Variants in NAALADL2 observed in about 807,000 individuals in gnomAD.
NAALADL2 encodes the protein N-acetylated alpha-linked acidic dipeptidase like 2, also known as inactive N-acetylated-alpha-linked acidic dipeptidase-like protein 2.
In NAALADL2, 76 loss-of-function variants were observed where a neutral mutation model predicts 87.2. The observed-to-expected ratio is 0.87, with a 90% CI of 0.72 to 1.05. NAALADL2 has a LOEUF of 1.05. NAALADL2 is among the 50% of genes least tolerant of loss of function. The probability of loss-of-function intolerance (pLI) is 0.00; values close to 1 mark genes in which losing one functional copy is unlikely to be tolerated. For synonymous variants in NAALADL2, 354 were observed against 331.0 expected, an observed-to-expected ratio of 1.07 and a Z score of -0.75; for missense variants, 1,089 against 945.8, an observed-to-expected ratio of 1.15 and a Z score of -1.99.
chr3:175,791,911 C>CAAA lies in NAALADL2; in HGVS notation c.2190-11084_2190-11082dup, dbSNP rs201243200. 1.4e-3 allele frequency among the ~76,000 whole-genome samples: 184 copies of CAAA among 127,990 alleles called. 1 individual carries two copies. Among genetic ancestry groups the CAAA allele is most frequent in the African/African-American group, 4.7e-3 (174 of 37,068 alleles). The allele number at this position is 127,990 out of a possible 152,430, so 84.0% of individuals were successfully genotyped here. On this transcript the variant is annotated intron_variant, in intron 13 of 13. Transcript: ENST00000454872. ...GAATTTGCTTTTAGAGTTCCCAAAG[C>CAAA]AAAAAAAAAAAACAACCCTGATATT...
chr3:174,634,950 T>C (rs1234975665), intron 2 of NAALADL2, among the ~76,000 whole-genome samples: 9 of 152,306 alleles, frequency 5.9e-5, no homozygotes, highest in Non-Finnish European at 2.9e-5. Context: ...AAAATTTTAA[T>C]TAGTAGGATT....
intron 1 of NAALADL2, among the ~76,000 whole-genome samples, chr3:174,916,638 C>G (rs1025173534): frequency 3.3e-5 from 5 of 151,924 alleles, no homozygotes; most frequent in African/African-American, 4.8e-5. Context: ...ATTATATGTC[C>G]TCACATATAA....
intron 2 of NAALADL2, among the ~76,000 whole-genome samples, chr3:174,612,037 G>A (rs1342930140): frequency 6.6e-6 from 1 of 150,900 alleles, no homozygotes; most frequent in Non-Finnish European, 1.5e-5. Flanking sequence ...TCTTGTTCAT[G>A]TTTGAAAGAT....
intron 1 of NAALADL2, among the ~76,000 whole-genome samples, chr3:175,027,502 C>G (rs1560492107): frequency 6.6e-6 from 1 of 151,966 alleles, no homozygotes; most frequent in African/African-American, 2.4e-5. Flanking sequence ...ATTAAAAAGA[C>G]CTATGTGACC....
At chr3:175,400,493 C>A (rs949611910) in intron 5 of NAALADL2, among the ~76,000 whole-genome samples, 4 of 151,968 alleles carry the variant, frequency 2.6e-5, no homozygotes, top group African/African-American at 9.7e-5. Context: ...ATAAAATAAG[C>A]TACATATTAC....
At chr3:174,973,117 A>C (rs1227739964) in intron 1 of NAALADL2, among the ~76,000 whole-genome samples, 3 of 152,182 alleles carry the variant, frequency 2.0e-5, no homozygotes, top group Non-Finnish European at 4.4e-5. Flanking sequence ...GGTAATTTAC[A>C]CACTGGCTTT....
chr3:175,326,381 C>A (rs1219971454), intron 5 of NAALADL2, among the ~76,000 whole-genome samples: 2 of 152,078 alleles, frequency 1.3e-5, no homozygotes, highest in African/African-American at 4.8e-5. Flanking sequence ...TTTTTAAATA[C>A]CTCACCAGAA....
At chr3:174,867,623 A>G (rs893718798) in intron 1 of NAALADL2, among the ~76,000 whole-genome samples, 2 of 152,058 alleles carry the variant, frequency 1.3e-5, no homozygotes, top group South Asian at 4.1e-4. Flanking sequence ...CATAAAATGC[A>G]CAGTCTTATT....
At chr3:174,894,594 C>CAAAAAAAAAAAAAAAA (rs869161862) in intron 1 of NAALADL2, among the ~76,000 whole-genome samples, 10 of 48,476 alleles carry the variant, frequency 2.1e-4, no homozygotes, top group Non-Finnish European at 2.8e-4. Context: ...AACTCCGTCT[C>CAAAAAAAAAAAAAAAA]AAAAAAAAAA....
chr3:175,118,632 A>G (rs1242176291), intron 2 of NAALADL2, among the ~76,000 whole-genome samples: 2 of 151,718 alleles, frequency 1.3e-5, no homozygotes, highest in Non-Finnish European at 3.0e-5. Flanking sequence ...ATACTCTATA[A>G]TGTCTAAATC....
chr3:175,687,617 T>G (rs1043670709), intron 11 of NAALADL2, among the ~76,000 whole-genome samples: 1 of 152,138 alleles, frequency 6.6e-6, no homozygotes, highest in Non-Finnish European at 1.5e-5. Flanking sequence ...TATGCTGCCT[T>G]GGTATTTGTT....
chr3:175,261,441 A>G (rs1410597749), intron 4 of NAALADL2, among the ~76,000 whole-genome samples: 1 of 152,150 alleles, frequency 6.6e-6, no homozygotes, highest in Admixed American at 6.6e-5. Context: ...GTCTAAATCC[A>G]CAGTACATAT....
At chr3:174,802,817 C>G (rs1292608598) in intron 3 of NAALADL2, among the ~76,000 whole-genome samples, 1 of 152,076 alleles carries the variant, frequency 6.6e-6, no homozygotes, top group Non-Finnish European at 1.5e-5. Context: ...CAAACTCACC[C>G]TTTTTTATGC....
chr3:174,656,149 A>G (rs1299329395), intron 2 of NAALADL2, among the ~76,000 whole-genome samples: 1 of 152,232 alleles, frequency 6.6e-6, no homozygotes, highest in Non-Finnish European at 1.5e-5. Context: ...AATGGAGCAA[A>G]TATCGGCTAC....
chr3:175,764,979 G>A (rs899256343), intron 13 of NAALADL2, among the ~76,000 whole-genome samples: 1 of 152,024 alleles, frequency 6.6e-6, no homozygotes, highest in African/African-American at 2.4e-5. Context: ...TTTTAGTGAG[G>A]TGTGGGTGGT....
intron 1 of NAALADL2, among the ~76,000 whole-genome samples, chr3:175,008,273 A>G (rs886634810): frequency 6.6e-6 from 1 of 152,022 alleles, no homozygotes; most frequent in East Asian, 1.9e-4. Flanking sequence ...CCTCCTGGCT[A>G]CTCGGGAGGC....
chr3:174,648,782 A>G (rs1435040713), intron 2 of NAALADL2, among the ~76,000 whole-genome samples: 1 of 152,202 alleles, frequency 6.6e-6, no homozygotes, highest in African/African-American at 2.4e-5. Context: ...ATATGACTAT[A>G]TTAAATGAAT....
intron 2 of NAALADL2, among the ~76,000 whole-genome samples, chr3:175,119,759 A>G (rs1468717816): frequency 6.9e-6 from 1 of 144,298 alleles, no homozygotes; most frequent in Non-Finnish European, 1.5e-5. Flanking sequence ...ATCTATATAT[A>G]AAACTATATA....
chr3:174,758,072 AGCAGAGAAC>A (rs1460942982), intron 3 of NAALADL2, among the ~76,000 whole-genome samples: 1 of 152,232 alleles, frequency 6.6e-6, no homozygotes, highest in Admixed American at 6.5e-5. Context: ...AGCTGCAGGA[AGCAGAGAAC>A]TGCAGGTCAT....
Sources: allele counts gnomAD v4.1 joint callset (sites outside exome capture counted in the v4.1 genomes callset), GRCh38; gene constraint gnomAD v4.1.1; transcripts MANE v1.5; gene names NCBI Gene and HGNC (gene_info 2026-07-23, HGNC 2026-07-21).